CSGALNACT1: variants seen among roughly 807,000 people sequenced by gnomAD.
CSGALNACT1 encodes beta4GalNAcT-1.
CSGALNACT1 carries 52 observed loss-of-function variants against 51.0 expected under a neutral mutation model. The observed-to-expected ratio is 1.02, with a 90% CI of 0.82 to 1.29. The LOEUF (loss-of-function observed/expected upper bound fraction) is 1.29, where lower values mean the gene tolerates loss of function less well. CSGALNACT1 is among the 50% of genes most tolerant of loss of function. The pLI is 0.00. For synonymous variants in CSGALNACT1, 341 were observed against 254.4 expected, an observed-to-expected ratio of 1.34 and a Z score of -3.24; for missense variants, 935 against 679.2, an observed-to-expected ratio of 1.38 and a Z score of -4.19.
Position 19,568,872 on chromosome 8 carries a change from C to G in CSGALNACT1, c.-297+22288G>C, listed in dbSNP as rs770253643. ...TATATGGGGATATTTATCAAGACTT[C>G]CTTTCAAAATTCTCCCTTAGCCTCA... On this transcript the variant is annotated intron_variant, in intron 3 of 9. Coordinates refer to ENST00000454498, the Ensembl canonical transcript of CSGALNACT1. Among the ~76,000 whole-genome samples, 8 of 152,288 alleles carry G rather than the reference C, an allele frequency of 5.3e-5. No homozygotes were observed. In the Middle Eastern group the frequency reaches 0.01, roughly 194 times the overall value.
intron 1 of CSGALNACT1, among the ~76,000 whole-genome samples, chr8:19,650,760 G>A (rs2057732446): frequency 6.6e-6 from 1 of 152,152 alleles, no homozygotes; most frequent in Non-Finnish European, 1.5e-5. Flanking sequence ...TCTTTTGTTT[G>A]GAATGAGGAA....
intron 3 of CSGALNACT1, among the ~76,000 whole-genome samples, chr8:19,552,532 A>T (rs1233264627): frequency 6.6e-6 from 1 of 152,162 alleles, no homozygotes; most frequent in Non-Finnish European, 1.5e-5. Context: ...TATGGATAAG[A>T]AAGATGACTT....
intron 1 of CSGALNACT1, among the ~76,000 whole-genome samples, chr8:19,634,447 AG>A (rs11318781): frequency 0.018 from 2,691 of 152,206 alleles, 70 homozygotes; most frequent in African/African-American, 0.06. Flanking sequence ...GGATCATTTG[AG>A]CCAAAGAGTT....
At chr8:19,738,322 C>T (rs931921584) in intron 1 of CSGALNACT1, among the ~76,000 whole-genome samples, 3 of 152,186 alleles carry the variant, frequency 2.0e-5, no homozygotes, top group African/African-American at 7.2e-5. Context: ...CTGACGCATG[C>T]TACAACATGG....
intron 1 of CSGALNACT1, among the ~76,000 whole-genome samples, chr8:19,653,176 C>G (rs967424202): frequency 6.6e-6 from 1 of 152,200 alleles, no homozygotes; most frequent in Non-Finnish European, 1.5e-5. Flanking sequence ...CAGGAGACTT[C>G]TGTCCCCTCG....
chr8:19,666,741 A>T (rs2059203613), intron 1 of CSGALNACT1, among the ~76,000 whole-genome samples: 1 of 140,956 alleles, frequency 7.1e-6, no homozygotes, highest in African/African-American at 2.7e-5. Flanking sequence ...AGAAAGAAAC[A>T]CAAGAAACAA....
upstream of CSGALNACT1, among the ~76,000 whole-genome samples, chr8:19,607,244 C>T (rs1474137542): frequency 6.6e-6 from 1 of 152,000 alleles, no homozygotes; most frequent in Non-Finnish European, 1.5e-5. Flanking sequence ...AACATGGGAA[C>T]CACTAACATA....
chr8:19,738,276 G>T (rs2064107747), intron 1 of CSGALNACT1, among the ~76,000 whole-genome samples: 1 of 152,152 alleles, frequency 6.6e-6, no homozygotes, highest in African/African-American at 2.4e-5. Context: ...AAGACATAGA[G>T]TGGAATATTA....
chr8:19,650,688 G>T (rs963262876), intron 1 of CSGALNACT1, among the ~76,000 whole-genome samples: 1 of 152,164 alleles, frequency 6.6e-6, no homozygotes, highest in Non-Finnish European at 1.5e-5. Context: ...GTGTGTGTGA[G>T]ACTGAAACAA....
At chr8:19,706,932 C>T (rs17090877) in intron 1 of CSGALNACT1, among the ~76,000 whole-genome samples, 9,098 of 152,138 alleles carry the variant, frequency 0.06, 300 homozygotes, top group South Asian at 0.11. Context: ...TCTTTGGCCT[C>T]GTATCTGATC....
chr8:19,553,125 G>C (rs1349917551), intron 3 of CSGALNACT1, among the ~76,000 whole-genome samples: 2 of 152,116 alleles, frequency 1.3e-5, no homozygotes, highest in Non-Finnish European at 2.9e-5. Flanking sequence ...ATCAATTCCA[G>C]ACAGACAGAA....
In CSGALNACT1 at chr8:19,455,504, T is replaced by C. The variant is rs186921704; in HGVS notation, c.851+2922A>G. Among the ~76,000 whole-genome samples, 58 of 152,322 alleles carry C rather than the reference T, an allele frequency of 3.8e-4. 1 individual carries two copies. The highest frequency in any genetic ancestry group is 1.3e-3 in the African/African-American group (54 of 41,572). On this transcript the variant is annotated intron_variant, in intron 5 of 9. Transcript: ENST00000454498. ...ATTATTTAATTGGAGTTTACTTTGC[T>C]TTTTTGGTGTGAAATAAGAATCACA...
chr8:19,421,249 A>T (rs1291424753), intron 6 of CSGALNACT1, among the ~76,000 whole-genome samples: 2 of 152,152 alleles, frequency 1.3e-5, no homozygotes, highest in Non-Finnish European at 2.9e-5. Flanking sequence ...AGTATACAGC[A>T]CTCTGTAAGC....
intron 1 of CSGALNACT1, among the ~76,000 whole-genome samples, chr8:19,630,203 T>TGTGC (rs1259984634): frequency 5.7e-5 from 4 of 69,576 alleles, no homozygotes; most frequent in Non-Finnish European, 1.2e-4. Context: ...TCTGTGTGTG[T>TGTGC]GTGTGTGTGT....
intron 5 of CSGALNACT1, among the ~76,000 whole-genome samples, chr8:19,444,810 T>C (rs1458376111): frequency 6.6e-6 from 1 of 152,102 alleles, no homozygotes; most frequent in East Asian, 1.9e-4. Flanking sequence ...GGCACTGATA[T>C]AAAGAACAGG....
chr8:19,469,429 C>T (rs527414252), intron 4 of CSGALNACT1, among the ~76,000 whole-genome samples: 1 of 151,996 alleles, frequency 6.6e-6, no homozygotes. Context: ...AGAAATAGCC[C>T]TCTGGATGGG....
chr8:19,468,883 G>T (rs571227798), intron 4 of CSGALNACT1, among the ~76,000 whole-genome samples: 1 of 152,270 alleles, frequency 6.6e-6, no homozygotes, highest in South Asian at 2.1e-4. Flanking sequence ...GGAAGAGTCT[G>T]TAGATTAAGA....
intron 1 of CSGALNACT1, among the ~76,000 whole-genome samples, chr8:19,637,931 C>G (rs547601049): frequency 6.6e-6 from 1 of 151,946 alleles, no homozygotes; most frequent in East Asian, 1.9e-4. Flanking sequence ...TAAACAGGTC[C>G]CTTCAAGGTC....
chr8:19,596,576 T>C (rs538269653), intron 2 of CSGALNACT1, among the ~76,000 whole-genome samples: 1 of 150,792 alleles, frequency 6.6e-6, no homozygotes, highest in African/African-American at 2.4e-5. Flanking sequence ...ACTGCAAATA[T>C]AGGCCACAAA....
Sources: allele counts gnomAD v4.1 joint callset (sites outside exome capture counted in the v4.1 genomes callset), GRCh38; gene constraint gnomAD v4.1.1; transcripts MANE v1.5; gene names NCBI Gene and HGNC (gene_info 2026-07-23, HGNC 2026-07-21).